SH3RF2: variants seen among roughly 807,000 people sequenced by gnomAD.
The protein encoded by SH3RF2 is E3 ubiquitin-protein ligase SH3RF2.
Under a neutral mutation model 59.0 loss-of-function variants are expected in SH3RF2, and 43 were observed. That is an observed-to-expected ratio of 0.73 (90% CI 0.57 to 0.94). SH3RF2 has a LOEUF of 0.94. SH3RF2 is among the 40% of genes least tolerant of loss of function. The probability of loss-of-function intolerance (pLI) is 0.00; values close to 1 mark genes in which losing one functional copy is unlikely to be tolerated. For missense variants in SH3RF2, 930 were observed against 940.1 expected (o/e 0.99, Z 0.14); for synonymous variants, 391 against 391.5 (o/e 1.00, Z 0.01).
chr5:145,965,905 C>T (rs1350283709), intron 2 of SH3RF2, among the ~76,000 whole-genome samples: 8 of 152,156 alleles, frequency 5.3e-5, no homozygotes. Flanking sequence ...AAATGAGAAG[C>T]ATTTTATCAG....
Position 146,059,949 on chromosome 5 carries a change from C to A in SH3RF2, c.1639C>A (p.Arg547=), listed in dbSNP as rs754904110. ...CAGACGCAGCCCCACCATGGTCCTT[C>A]GGCCTCAGCAGTTCCAATTCTACCA... ...SLRRSPTMVL[R]PQQFQFYQPQ... Residue 547 remains arginine (R), a synonymous_variant, in exon 9 of 10, where the codon CGG becomes AGG. Transcript: ENST00000359120. 3.9e-6 allele frequency: 6 copies of A among 1,538,634 alleles called. No individual in the cohort carries two copies. Among genetic ancestry groups the A allele is most frequent in the Non-Finnish European group, 5.2e-6 (6 of 1,143,264 alleles).
chr5:146,025,445 T>A (rs1173886135), intron 5 of SH3RF2, among the ~76,000 whole-genome samples: 1 of 152,274 alleles, frequency 6.6e-6, no homozygotes, highest in African/African-American at 2.4e-5. Context: ...TCCTGAGGTC[T>A]GGTTCCCACA....
intron 2 of SH3RF2, among the ~76,000 whole-genome samples, chr5:145,958,059 G>A (rs982985810): frequency 1.3e-5 from 2 of 151,796 alleles, no homozygotes; most frequent in South Asian, 2.1e-4. Context: ...GTTGCAGTGA[G>A]CCAAGATCAT....
chr5:145,973,264 C>A (rs1376214475), intron 2 of SH3RF2, among the ~76,000 whole-genome samples: 1 of 152,134 alleles, frequency 6.6e-6, no homozygotes, highest in Non-Finnish European at 1.5e-5. Context: ...TTGGCAATGA[C>A]CCTTAAGCCA....
intron 9 of SH3RF2, among the ~76,000 whole-genome samples, chr5:146,069,533 C>A (rs1763184973): frequency 6.6e-6 from 1 of 151,998 alleles, no homozygotes; most frequent in Non-Finnish European, 1.5e-5. Context: ...AATAAATTAT[C>A]ATAAGAACCT....
intron 2 of SH3RF2, among the ~76,000 whole-genome samples, chr5:145,952,749 C>T (rs60263762): frequency 0.096 from 14,614 of 152,058 alleles, 1,052 homozygotes; most frequent in East Asian, 0.27. Context: ...ATCTGGGAGG[C>T]GTAAGGACAT....
chr5:146,064,711 AAAGAAAGAAAGAAAGAAAGG>A (rs1561773377), downstream of SH3RF2, among the ~76,000 whole-genome samples: 1 of 17,078 alleles, frequency 5.9e-5, no homozygotes, highest in African/African-American at 1.8e-4. Flanking sequence ...AGAAAGAAAG[AAAGAAAGAAAGAAAGAAAGG>A]AAGGAAGGAA....
At position 145,949,921 on chromosome 5, in the gene SH3RF2, A is replaced by G. The variant is rs533943955; in HGVS notation, c.378+11615A>G. On this transcript the variant is annotated intron_variant, in intron 2 of 9. Transcript: ENST00000359120. ...TTTTTTTCACAACAGAAAGTTTTGTAGCTGAGATATTCCTGGGATTCCTAC... is the reference window on the plus strand; with the variant it reads ...TTTTTTTCACAACAGAAAGTTTTGTGGCTGAGATATTCCTGGGATTCCTAC... 5.3e-5 allele frequency among the ~76,000 whole-genome samples: 8 copies of G among 152,286 alleles called. No homozygotes were observed. The East Asian group carries it at 1.5e-3, about 29-fold the overall frequency.
chr5:146,018,165 G>A (rs746509721), intron 5 of SH3RF2, among the ~76,000 whole-genome samples: 3 of 152,040 alleles, frequency 2.0e-5, no homozygotes, highest in African/African-American at 7.2e-5. Flanking sequence ...TTGTATAGTG[G>A]TGAAGTCTGA....
At position 146,047,858 on chromosome 5, in the gene SH3RF2, G is replaced by A. The variant is rs75157444; in HGVS notation, c.1146G>A (p.Ala382=). 82 of 1,613,928 alleles carry A rather than the reference G, an allele frequency of 5.1e-5. No homozygotes were observed. The highest frequency in any genetic ancestry group is 1.8e-4 in the East Asian group (8 of 44,882). ...SLPGSQQHLS[A]NMFVALHSYS... is the part of the protein sequence containing the mutation. The stretch of plus-strand genomic sequence containing the variant: ...CTGGCTCCCAGCAACACCTCTCAGC[G>A]AACATGTGAGTAAAAGGCTCATCCC... Residue 382 remains alanine (A), a synonymous_variant, in exon 6 of 10, where the codon GCG becomes GCA. Coordinates refer to ENST00000359120, the MANE Select transcript of SH3RF2 (RefSeq NM_152550.4).
chr5:146,041,218 G>A (rs1395371178), intron 5 of SH3RF2, among the ~76,000 whole-genome samples: 1 of 152,192 alleles, frequency 6.6e-6, no homozygotes, highest in African/African-American at 2.4e-5. Flanking sequence ...AATTAGCACT[G>A]GAGTCATAGC....
At chr5:146,010,374 A>C (rs1361304431) in intron 4 of SH3RF2, among the ~76,000 whole-genome samples, 1 of 152,210 alleles carries the variant, frequency 6.6e-6, no homozygotes, top group African/African-American at 2.4e-5. Flanking sequence ...CATGATTTAT[A>C]ATCCTTTGGT....
At chr5:145,975,553 CTT>C (rs1263099914) in intron 2 of SH3RF2, among the ~76,000 whole-genome samples, 2 of 152,216 alleles carry the variant, frequency 1.3e-5, no homozygotes, top group East Asian at 1.9e-4. Context: ...TGTCTGCACT[CTT>C]TGACTTGATA....
chr5:145,984,045 A>C (rs1424811672), intron 2 of SH3RF2, among the ~76,000 whole-genome samples: 2 of 152,090 alleles, frequency 1.3e-5, no homozygotes, highest in Non-Finnish European at 2.9e-5. Flanking sequence ...AGTGTGATTT[A>C]ATATTCATTT....
chr5:146,058,644 C>T (rs533731677), intron 8 of SH3RF2, among the ~76,000 whole-genome samples: 221 of 152,266 alleles, frequency 1.5e-3, no homozygotes, highest in African/African-American at 5.1e-3. Flanking sequence ...ACTAACAACG[C>T]TGGCTGGGAC....
chr5:146,069,489 T>TTGCTGCTGCTGC (rs56297729), intron 9 of SH3RF2, among the ~76,000 whole-genome samples: 5 of 151,226 alleles, frequency 3.3e-5, no homozygotes, highest in East Asian at 1.9e-4. Context: ...AAATGAGATC[T>TTGCTGCTGCTGC]TGCTGCTGCT....
At chr5:146,074,668 G>T (rs970292514) in intron 9 of SH3RF2, among the ~76,000 whole-genome samples, 1 of 151,922 alleles carries the variant, frequency 6.6e-6, no homozygotes, top group African/African-American at 2.4e-5. Context: ...AATTTCCTTC[G>T]TTATCATTAG....
At chr5:145,947,778 C>A (rs1024746603) in intron 2 of SH3RF2, among the ~76,000 whole-genome samples, 2 of 152,148 alleles carry the variant, frequency 1.3e-5, no homozygotes, top group Non-Finnish European at 2.9e-5. Context: ...TATAAGATGT[C>A]TTTGATGGGT....
intron 5 of SH3RF2, 24 bp downstream of exon 5, chr5:146,014,085 A>C: frequency 6.2e-7 from 1 of 1,606,620 alleles, no homozygotes; most frequent in South Asian, 1.1e-5. Flanking sequence ...GCCTGGGATG[A>C]GGGCACTTTG....
Sources: allele counts gnomAD v4.1 joint callset (sites outside exome capture counted in the v4.1 genomes callset), GRCh38; gene constraint gnomAD v4.1.1; transcripts MANE v1.5; gene names NCBI Gene and HGNC (gene_info 2026-07-23, HGNC 2026-07-21).